The following NRCAM variants were observed in gnomAD, a reference collection of about 807,000 sequenced individuals.
NRCAM encodes the protein neuronal cell adhesion molecule.
Under a neutral mutation model 156.5 loss-of-function variants are expected in NRCAM, and 83 were observed. That is an observed-to-expected ratio of 0.53 (90% confidence interval 0.44 to 0.64). The LOEUF is 0.64. Among genes scored for constraint, NRCAM ranks in the 30% least tolerant of loss-of-function variants. The pLI, the probability that NRCAM is intolerant of heterozygous loss-of-function variation, is 0.00. For missense variants in NRCAM, 1,417 were observed against 1,597.3 expected, an observed-to-expected ratio of 0.89 and a Z score of 1.92; for synonymous variants, 538 against 563.9, an observed-to-expected ratio of 0.95 and a Z score of 0.65.
chr7:108,367,886 G>A (rs1420863491), intron 2 of NRCAM, among the ~76,000 whole-genome samples: 2 of 152,132 alleles, frequency 1.3e-5, no homozygotes, highest in Non-Finnish European at 2.9e-5. Context: ...AAGCACACAT[G>A]CCTTATCTAT....
chr7:108,225,634 C>T lies in NRCAM; in HGVS notation c.778+11G>A. On this transcript the variant is annotated intron_variant, in intron 10 of 32. Transcript: ENST00000379028. Reference sequence around the variant, plus strand: ...AAGGAGAGAATATCAGTTACAATCACCATAACTCACCACCATAAAACTCAG... The same window carrying T: ...AAGGAGAGAATATCAGTTACAATCATCATAACTCACCACCATAAAACTCAG... 1 of 1,531,538 alleles carries T rather than the reference C, an allele frequency of 6.5e-7. No individual in the cohort carries two copies. Among genetic ancestry groups the T allele is most frequent in the Non-Finnish European group, 9.0e-7 (1 of 1,105,142 alleles). The allele number at this position is 1,531,538 out of a possible 1,614,324, so 94.9% of individuals were successfully genotyped here.
intron 3 of NRCAM, among the ~76,000 whole-genome samples, chr7:108,264,273 G>T (rs1563012269): frequency 6.6e-6 from 1 of 152,152 alleles, no homozygotes; most frequent in Non-Finnish European, 1.5e-5. Context: ...TCTGCGCCTG[G>T]TCTGCATCTT....
rs1453912937 is a variant in NRCAM, at chr7:108,398,916, GA to G, written c.-174+519del. On this transcript the variant is annotated intron_variant, in intron 2 of 32. Coordinates refer to ENST00000379028, the MANE Select transcript of NRCAM (RefSeq NM_001037132.4). ...AACTGAAAATAAATGAAACTATGGG[GA>G]AAAATATATTGGTGGGTATGAGAGT... 4.6e-5 allele frequency among the ~76,000 whole-genome samples: 7 copies of G among 152,242 alleles called. No individual in the cohort carries two copies. The East Asian group carries it at 1.3e-3, about 29-fold the overall frequency.
At chr7:108,412,917 T>C (rs1255428087) in intron 1 of NRCAM, among the ~76,000 whole-genome samples, 2 of 152,240 alleles carry the variant, frequency 1.3e-5, no homozygotes. Context: ...ATTGTATATA[T>C]AGACTGCATT....
intron 2 of NRCAM, among the ~76,000 whole-genome samples, chr7:108,393,697 A>G (rs2099768740): frequency 6.6e-6 from 1 of 152,106 alleles, no homozygotes; most frequent in Non-Finnish European, 1.5e-5. Flanking sequence ...TGTAGACTGG[A>G]GCTGTTCCTA....
chr7:108,191,630 T>C (rs1587468522), intron 18 of NRCAM, 99 bp downstream of exon 18: 1 of 1,397,008 alleles, frequency 7.2e-7, no homozygotes, highest in East Asian at 2.5e-5. Flanking sequence ...CCCATGCATA[T>C]TAACAAGCAA....
chr7:108,198,181 A>G (rs2076122608), intron 13 of NRCAM, 82 bp from the exon 14 acceptor site: 5 of 1,124,534 alleles, frequency 4.4e-6, no homozygotes. Flanking sequence ...AGTAGGACAT[A>G]AATAAAGACT....
intron 28 of NRCAM, among the ~76,000 whole-genome samples, chr7:108,171,440 G>A (rs1337013992): frequency 6.6e-6 from 1 of 152,114 alleles, no homozygotes; most frequent in African/African-American, 2.4e-5. Context: ...CTACAAGTCA[G>A]CCTAAGTGGA....
chr7:108,255,668 C>A (rs531874183), intron 3 of NRCAM, among the ~76,000 whole-genome samples: 161 of 149,572 alleles, frequency 1.1e-3, no homozygotes, highest in African/African-American at 3.8e-3. Flanking sequence ...GGCCGCCCAT[C>A]GTCTGAGATG....
intron 3 of NRCAM, among the ~76,000 whole-genome samples, chr7:108,301,432 A>G (rs1423065725): frequency 6.6e-6 from 1 of 152,208 alleles, no homozygotes; most frequent in African/African-American, 2.4e-5. Context: ...GCAACTAATG[A>G]AGAATTGGTA....
At chr7:108,221,361 G>A (rs78108705) in intron 11 of NRCAM, among the ~76,000 whole-genome samples, 1 of 152,206 alleles carries the variant, frequency 6.6e-6, no homozygotes, top group Non-Finnish European at 1.5e-5. Context: ...TCTACCCAGA[G>A]GAAAAGAAGT....
intron 24 of NRCAM, among the ~76,000 whole-genome samples, chr7:108,180,938 G>A (rs972586220): frequency 2.6e-5 from 4 of 152,126 alleles, no homozygotes; most frequent in African/African-American, 9.7e-5. Context: ...CAGCCACAGA[G>A]GTATCAAGAG....
chr7:108,404,427 G>C (rs867592325), intron 1 of NRCAM, among the ~76,000 whole-genome samples: 24 of 152,162 alleles, frequency 1.6e-4, no homozygotes, highest in African/African-American at 5.6e-4. Flanking sequence ...ATTTTTCATA[G>C]AGGTAATCTC....
chr7:108,420,131 C>T (rs1283268238), intron 1 of NRCAM, among the ~76,000 whole-genome samples: 4 of 151,546 alleles, frequency 2.6e-5, no homozygotes, highest in African/African-American at 4.9e-5. Flanking sequence ...AACATCTGTA[C>T]CCAGTTAAGG....
intron 32 of NRCAM, among the ~76,000 whole-genome samples, chr7:108,154,444 G>A (rs892401853): frequency 2.6e-5 from 4 of 152,084 alleles, no homozygotes; most frequent in African/African-American, 9.7e-5. Context: ...GATTCATGTG[G>A]GTTTTTACAT....
chr7:108,258,784 C>T (rs1302538431), intron 3 of NRCAM, among the ~76,000 whole-genome samples: 1 of 152,206 alleles, frequency 6.6e-6, no homozygotes, highest in African/African-American at 2.4e-5. Context: ...GCCTAACAAA[C>T]AAGCACTCTG....
chr7:108,338,494 C>T (rs2099232601), intron 2 of NRCAM, among the ~76,000 whole-genome samples: 1 of 151,944 alleles, frequency 6.6e-6, no homozygotes, highest in African/African-American at 2.4e-5. Flanking sequence ...TATGTGGGAC[C>T]CATTCCCCAC....
At chr7:108,225,742 G>T in intron 9 of NRCAM, 41 bp from the exon 10 acceptor site, 1 of 1,254,906 alleles carries the variant, frequency 8.0e-7, no homozygotes, top group Non-Finnish European at 1.2e-6. Flanking sequence ...ATAAAAGTGG[G>T]GGAGAAGGGT....
chr7:108,339,071 A>G (rs2099244171), intron 2 of NRCAM, among the ~76,000 whole-genome samples: 1 of 152,266 alleles, frequency 6.6e-6, no homozygotes, highest in South Asian at 2.1e-4. Flanking sequence ...CAAAAATCTT[A>G]AAGTATGGGG....
Sources: gnomAD v4.1 joint callset for allele counts (sites outside exome capture counted in the v4.1 genomes callset) on GRCh38, gnomAD v4.1.1 for gene constraint, MANE v1.5 for transcripts, NCBI Gene and HGNC (gene_info 2026-07-23, HGNC 2026-07-21) for gene names.